GPM6A: variants seen among roughly 807,000 people sequenced by gnomAD.
The protein encoded by GPM6A is glycoprotein M6A.
Under a neutral mutation model 32.1 loss-of-function variants are expected in GPM6A, and 7 were observed. That is an observed-to-expected ratio of 0.22 (90% CI 0.12 to 0.41). The LOEUF (loss-of-function observed/expected upper bound fraction) is 0.41. Among genes scored for constraint, GPM6A ranks in the 10% least tolerant of loss-of-function variants. GPM6A has a pLI of 1.00. For synonymous variants in GPM6A, 130 were observed against 123.4 expected (o/e 1.05, Z -0.35); for missense variants, 235 against 347.2 (o/e 0.68, Z 2.57).
chr4:175,796,952 T>A (rs1484412863), intron 1 of GPM6A, among the ~76,000 whole-genome samples: 2 of 150,884 alleles, frequency 1.3e-5, no homozygotes, highest in Non-Finnish European at 3.0e-5. Context: ...CCTGAATTGT[T>A]TTTTTTTCTG....
chr4:175,789,194 T>C (rs1254827908), intron 1 of GPM6A, among the ~76,000 whole-genome samples: 1 of 152,234 alleles, frequency 6.6e-6, no homozygotes, highest in East Asian at 1.9e-4. Flanking sequence ...AAAAGTGCTA[T>C]AATGAATAAT....
At chr4:175,786,293 TTTG>T (rs981044702) in intron 1 of GPM6A, among the ~76,000 whole-genome samples, 8 of 137,204 alleles carry the variant, frequency 5.8e-5, no homozygotes, top group Non-Finnish European at 9.7e-5. Flanking sequence ...GGTTTTTTGT[TTTG>T]TTTTTTTTTT....
At position 175,673,818 on chromosome 4, in the gene GPM6A, A is replaced by G. The variant is rs1258113931; in HGVS notation, c.249T>C (p.Tyr83=). The part of the protein sequence containing the change: ...DVFTMIDIFK[Y]VIYGIAAAFF... ...ACGCAGCTGCGATGCCGTAGATCACATACTTAAAGATGTCAATCCTGAGAG... is the reference window on the plus strand; with the variant it reads ...ACGCAGCTGCGATGCCGTAGATCACGTACTTAAAGATGTCAATCCTGAGAG... The change falls in exon 3 of 7, where the codon TAT becomes TAC. Residue 83 remains tyrosine (Y), a synonymous_variant. Transcript: ENST00000393658. 5.6e-6 allele frequency: 9 copies of G among 1,601,322 alleles called. No homozygotes were observed. The highest frequency in any genetic ancestry group is 7.7e-6 in the Non-Finnish European group (9 of 1,170,756).
At chr4:175,920,109 T>C (rs751507469) in intron 1 of GPM6A, among the ~76,000 whole-genome samples, 15 of 152,238 alleles carry the variant, frequency 9.9e-5, no homozygotes, top group Non-Finnish European at 2.1e-4. Flanking sequence ...AGTATGTTTA[T>C]GTCTGTATGT....
intron 1 of GPM6A, among the ~76,000 whole-genome samples, chr4:175,784,727 ATGTGTG>A (rs144351244): frequency 6.6e-6 from 1 of 151,192 alleles, no homozygotes; most frequent in Admixed American, 6.6e-5. Flanking sequence ...GTGTGTGTGT[ATGTGTG>A]TGTGTGTGTT....
At chr4:175,706,283 T>A (rs1167270808) in intron 1 of GPM6A, among the ~76,000 whole-genome samples, 1 of 152,190 alleles carries the variant, frequency 6.6e-6, no homozygotes, top group Non-Finnish European at 1.5e-5. Flanking sequence ...CTGACATTTT[T>A]AAAAAGACAT....
At chr4:175,757,132 G>A (rs1732558968) in intron 1 of GPM6A, among the ~76,000 whole-genome samples, 1 of 152,052 alleles carries the variant, frequency 6.6e-6, no homozygotes, top group Non-Finnish European at 1.5e-5. Context: ...AGGTGACAGT[G>A]TGCCCCTCCT....
chr4:175,779,305 C>A (rs1256855769), intron 1 of GPM6A, among the ~76,000 whole-genome samples: 3 of 152,160 alleles, frequency 2.0e-5, no homozygotes, highest in African/African-American at 7.2e-5. Context: ...AACTCTCATG[C>A]ACGCCTAGAG....
At chr4:175,646,018 C>T (rs781349775) in intron 4 of GPM6A, among the ~76,000 whole-genome samples, 1 of 152,054 alleles carries the variant, frequency 6.6e-6, no homozygotes, top group Non-Finnish European at 1.5e-5. Context: ...CTCTATAGTC[C>T]ATCTGCCTCT....
At chr4:175,921,832 A>G (rs769241545) in intron 1 of GPM6A, among the ~76,000 whole-genome samples, 52 of 152,202 alleles carry the variant, frequency 3.4e-4, no homozygotes, top group Non-Finnish European at 1.0e-4. Flanking sequence ...AAAACAGCTA[A>G]CAAAAATGGC....
chr4:175,714,814 C>T (rs1183553942), intron 1 of GPM6A, among the ~76,000 whole-genome samples: 2 of 151,774 alleles, frequency 1.3e-5, no homozygotes, highest in Non-Finnish European at 2.9e-5. Context: ...ACATTCTGTA[C>T]TGGTCAACAT....
intron 1 of GPM6A, among the ~76,000 whole-genome samples, chr4:175,912,324 T>C (rs1738346537): frequency 6.6e-6 from 1 of 152,112 alleles, no homozygotes. Flanking sequence ...TAAGATTTGA[T>C]TTATATACCA....
chr4:175,946,428 A>T (rs1432697363), intron 1 of GPM6A, among the ~76,000 whole-genome samples: 4 of 152,230 alleles, frequency 2.6e-5, no homozygotes, highest in African/African-American at 9.6e-5. Context: ...TGTGTCATGT[A>T]GCTTCCATTC....
chr4:175,843,584 G>A (rs553378885), intron 1 of GPM6A, among the ~76,000 whole-genome samples: 182 of 152,300 alleles, frequency 1.2e-3, no homozygotes, highest in Non-Finnish European at 1.9e-3. Context: ...TTGGGACCCA[G>A]GCGAGCTTCA....
At chr4:175,925,908 A>G (rs1265344936) in intron 1 of GPM6A, among the ~76,000 whole-genome samples, 3 of 148,642 alleles carry the variant, frequency 2.0e-5, no homozygotes, top group African/African-American at 7.5e-5. Flanking sequence ...CTGAAGTGCA[A>G]TGGCGTGAGG....
chr4:175,787,838 T>G (rs1327872030), intron 1 of GPM6A: 1 of 155,978 alleles, frequency 6.4e-6, no homozygotes, highest in Non-Finnish European at 1.4e-5. Flanking sequence ...TTTTAATTGC[T>G]ATCTTCCCAG....
intron 1 of GPM6A, among the ~76,000 whole-genome samples, chr4:175,890,487 AATTTTATTTTATTTT>A (rs56214315): frequency 0.042 from 5,336 of 127,732 alleles, 297 homozygotes; most frequent in African/African-American, 0.12. Flanking sequence ...TGTTTAGAGC[AATTTTATTTTATTTT>A]ATTTTATTTT....
chr4:175,718,011 C>T (rs1579421624), intron 1 of GPM6A, among the ~76,000 whole-genome samples: 1 of 152,080 alleles, frequency 6.6e-6, no homozygotes, highest in Non-Finnish European at 1.5e-5. Context: ...GCCCTCACGA[C>T]CACAGCAATT....
intron 1 of GPM6A, among the ~76,000 whole-genome samples, chr4:175,801,456 A>C (rs1444533562): frequency 6.6e-6 from 1 of 152,110 alleles, no homozygotes; most frequent in African/African-American, 2.4e-5. Context: ...TCTATAATAT[A>C]GACAAATAAG....
Sources: gnomAD v4.1 joint callset for allele counts (sites outside exome capture counted in the v4.1 genomes callset) on GRCh38, gnomAD v4.1.1 for gene constraint, MANE v1.5 for transcripts, NCBI Gene and HGNC (gene_info 2026-07-23, HGNC 2026-07-21) for gene names.